The following SNX30 variants were observed in gnomAD, a reference collection of about 807,000 sequenced individuals.
The protein encoded by SNX30 is sorting nexin-30.
Under a neutral mutation model 46.4 loss-of-function variants are expected in SNX30, and 24 were observed. That is an observed-to-expected ratio of 0.52 (90% CI 0.37 to 0.73). The LOEUF is 0.73. SNX30 is among the 30% of genes least tolerant of loss of function. SNX30 has a pLI of 0.00. For missense variants in SNX30, 533 were observed against 555.7 expected, an observed-to-expected ratio of 0.96 and a Z score of 0.41; for synonymous variants, 189 against 211.5, an observed-to-expected ratio of 0.89 and a Z score of 0.92.
At chr9:112,772,808 G>A (rs759399602) in intron 1 of SNX30, among the ~76,000 whole-genome samples, 7 of 152,160 alleles carry the variant, frequency 4.6e-5, no homozygotes, top group East Asian at 1.9e-4. Context: ...TGATCCTGGC[G>A]TGTTTGCTCC....
At chr9:112,822,408 A>G (rs905601622) in intron 3 of SNX30, among the ~76,000 whole-genome samples, 1 of 152,160 alleles carries the variant, frequency 6.6e-6, no homozygotes, top group Admixed American at 6.5e-5. Context: ...GATATACAGA[A>G]TAGCCTTGCA....
chr9:112,873,987 G>C lies in SNX30; in HGVS notation c.*5144G>C, dbSNP rs1363075254. 2.0e-5 allele frequency: 3 copies of C among 152,234 alleles called. No individual in the cohort carries two copies. The highest frequency in any genetic ancestry group is 1.9e-4 in the East Asian group (1 of 5,196). The allele number at this position is 152,234 out of a possible 1,614,324, so 9.4% of individuals were successfully genotyped here. ...TGTCAGCAGCAGCACTCCCACACCA[G>C]GTGGTTCTGGGCTCTCTGTAGGCTG... On this transcript the variant is annotated 3_prime_UTR_variant, in exon 9 of 9. Coordinates refer to ENST00000374232, the MANE Select transcript of SNX30 (RefSeq NM_001012994.2).
chr9:112,849,035 C>T lies in SNX30; in HGVS notation c.1015-1824C>T, dbSNP rs112485047. On this transcript the variant is annotated intron_variant, in intron 6 of 8. Coordinates refer to ENST00000374232, the MANE Select transcript of SNX30 (RefSeq NM_001012994.2). The stretch of plus-strand genomic sequence containing the variant: ...GTCACTGGGTCAACTCAGACTCCTT[C>T]CTAGAAGCGCTAGTCTGGATATGTG... Among the ~76,000 whole-genome samples the T allele has an allele frequency of 5.7e-3, 866 of 152,318 alleles. 10 individuals are homozygous for T. The highest frequency in any genetic ancestry group is 0.02 in the African/African-American group (823 of 41,570).
chr9:112,826,712 C>G (rs1840584388), intron 3 of SNX30, among the ~76,000 whole-genome samples: 1 of 152,146 alleles, frequency 6.6e-6, no homozygotes, highest in Non-Finnish European at 1.5e-5. Context: ...CCATCTGATG[C>G]TCTTACACCT....
intron 1 of SNX30, among the ~76,000 whole-genome samples, chr9:112,784,268 C>T (rs1839886314): frequency 6.6e-6 from 1 of 152,142 alleles, no homozygotes; most frequent in South Asian, 2.1e-4. Context: ...CAACTGCTCC[C>T]TCTCACGTCT....
chr9:112,795,765 T>TCACACACACACACACACA (rs1554751568), intron 1 of SNX30, among the ~76,000 whole-genome samples: 90 of 123,322 alleles, frequency 7.3e-4, no homozygotes, highest in African/African-American at 1.5e-3. Context: ...CACAGTACAG[T>TCACACACACACACACACA]CACACACACA....
chr9:112,884,131 G>A (rs1341297736), downstream of SNX30, among the ~76,000 whole-genome samples: 4 of 152,210 alleles, frequency 2.6e-5, no homozygotes, highest in African/African-American at 9.6e-5. Flanking sequence ...GAGCAAACAA[G>A]AGAGGGCAAG....
In SNX30 at chr9:112,830,785, G is replaced by A. The variant is rs761148062; in HGVS notation, c.520G>A (p.Glu174Lys). The A allele has an allele frequency of 6.2e-7, 1 of 1,614,022 alleles. No individual in the cohort carries two copies. Among genetic ancestry groups the A allele is most frequent in the Admixed American group, 1.7e-5 (1 of 59,990 alleles). The change falls in exon 4 of 9, where the codon GAG (glutamate) becomes AAG (lysine). Residue 174 changes from glutamate (E) to lysine (K), a missense_variant. Glu to Lys is a moderately conservative substitution (Grantham distance 56). Around this residue, in one of 3 missense-constraint regions of SNX30, gnomAD observed 81 missense variants for 124.4 expected, o/e 0.65. Transcript: ENST00000374232. ...VVDRFSEEFV[E>K]TRRKALDKFL... is the part of the protein sequence containing the mutation. ...GGATCGTTTTTCAGAAGAGTTTGTG[G>A]AGACCAGAAGAAAAGCTTTGGATAA...
rs1207662388 is a variant in SNX30 at position 112,869,693 on chromosome 9, G to C, written c.*850G>C. ...ATCAGAGCAGGGATTAGACCTGTTA[G>C]GGAATATCTATTGTCTTGAAGTCAG... On this transcript the variant is annotated 3_prime_UTR_variant, in exon 9 of 9. Coordinates refer to ENST00000374232, the MANE Select transcript of SNX30 (RefSeq NM_001012994.2). 4.0e-5 allele frequency: 6 copies of C among 151,440 alleles called. No individual in the cohort carries two copies. Among genetic ancestry groups the C allele is most frequent in the African/African-American group, 1.2e-4 (5 of 41,140 alleles). 9.4% of individuals were successfully genotyped at this position (151,440 alleles called of 1,614,324 possible).
At chr9:112,848,391 G>A (rs1189506242) in intron 6 of SNX30, among the ~76,000 whole-genome samples, 2 of 152,136 alleles carry the variant, frequency 1.3e-5, no homozygotes, top group African/African-American at 2.4e-5. Flanking sequence ...CAATGAGGGT[G>A]GTGGTAGTCA....
At chr9:112,758,926 G>A (rs1029999652) in intron 1 of SNX30, among the ~76,000 whole-genome samples, 6 of 152,060 alleles carry the variant, frequency 3.9e-5, no homozygotes, top group Admixed American at 1.3e-4. Context: ...GCAATATAGT[G>A]AGAACTTGTC....
chr9:112,846,115 T>A (rs749599805), intron 6 of SNX30, among the ~76,000 whole-genome samples: 10 of 151,754 alleles, frequency 6.6e-5, no homozygotes, highest in Non-Finnish European at 1.3e-4. Flanking sequence ...AAGTCACATA[T>A]GAAAAGAAAC....
chr9:112,851,492 C>G (rs899742073), intron 7 of SNX30, among the ~76,000 whole-genome samples: 2 of 152,152 alleles, frequency 1.3e-5, no homozygotes, highest in Non-Finnish European at 2.9e-5. Flanking sequence ...GGGAAAAAAG[C>G]CAACAAAAAG....
chr9:112,790,569 A>G (rs1840004058), intron 1 of SNX30, among the ~76,000 whole-genome samples: 2 of 152,210 alleles, frequency 1.3e-5, no homozygotes, highest in Admixed American at 1.3e-4. Flanking sequence ...ACCATGTACC[A>G]GTGGCTGGAG....
chr9:112,768,647 CTTTT>C lies in SNX30; in HGVS notation c.156+17515_156+17518del, dbSNP rs58983756. Among the ~76,000 whole-genome samples, 21 of 64,356 alleles carry C rather than the reference CTTTT, an allele frequency of 3.3e-4. 2 individuals carry two copies. The highest frequency in any genetic ancestry group is 7.5e-4 in the Admixed American group (4 of 5,334). 42.2% of individuals were successfully genotyped at this position (64,356 alleles called of 152,430 possible). A position where few individuals can be genotyped will look rare whatever the true frequency, so the allele number is the denominator to read the frequency against. ...AAGTTTCTCTAGATAATTCTTTCTT[CTTTT>C]TTTTTTTTTTTTTTTTTTTTTTTTG... On this transcript the variant is annotated intron_variant, in intron 1 of 8. Transcript: ENST00000374232.
chr9:112,870,660 C>T lies in SNX30; in HGVS notation c.*1817C>T, dbSNP rs1841431657. On this transcript the variant is annotated 3_prime_UTR_variant, in exon 9 of 9. Coordinates refer to ENST00000374232, the MANE Select transcript of SNX30 (RefSeq NM_001012994.2). ...CCATGTACCCCCGAGTGATTGCATG[C>T]TTTATTCTACCTCTAAGCCATCGTG... is the stretch of plus-strand genomic sequence containing the variant. 1 of 152,232 alleles carries T rather than the reference C, an allele frequency of 6.6e-6. No homozygotes were observed. The highest frequency in any genetic ancestry group is 2.1e-4 in the South Asian group (1 of 4,834). The allele number at this position is 152,232 out of a possible 1,614,324, so 9.4% of individuals were successfully genotyped here.
intron 6 of SNX30, among the ~76,000 whole-genome samples, chr9:112,844,903 G>C: frequency 6.6e-6 from 1 of 152,330 alleles, no homozygotes; most frequent in East Asian, 1.9e-4. Flanking sequence ...GCGAACAGTT[G>C]GTGCTTTAGG....
At chr9:112,795,795 ACG>A (rs1554751567) in intron 1 of SNX30, among the ~76,000 whole-genome samples, 242 of 150,966 alleles carry the variant, frequency 1.6e-3, no homozygotes, top group African/African-American at 4.1e-3. Flanking sequence ...ACACACACAC[ACG>A]CACACATGAT....
At chr9:112,852,875 C>A (rs10759597) in intron 7 of SNX30, among the ~76,000 whole-genome samples, 119,959 of 152,118 alleles carry the variant, frequency 0.79, 47,504 homozygotes, top group South Asian at 0.87. Flanking sequence ...TGGTTCCTGC[C>A]GCTGCCGCCA....
Sources: allele counts gnomAD v4.1 joint callset (sites outside exome capture counted in the v4.1 genomes callset), GRCh38; gene constraint gnomAD v4.1.1; regional missense constraint gnomAD v4.1.1; transcripts MANE v1.5; gene names NCBI Gene and HGNC (gene_info 2026-07-23, HGNC 2026-07-21).